The following FOXN3 variants were observed in gnomAD, a reference collection of about 807,000 sequenced individuals.
The protein encoded by FOXN3 is forkhead box protein N3.
Under a neutral mutation model 38.4 loss-of-function variants are expected in FOXN3, and 7 were observed. The ratio of observed to expected loss-of-function variants is 0.18; its 90% CI spans 0.10 to 0.34. The LOEUF is 0.34. FOXN3 is among the 10% of genes least tolerant of loss of function. FOXN3 has a pLI of 1.00. For synonymous variants in FOXN3, 230 were observed against 242.2 expected (o/e 0.95, Z 0.47); for missense variants, 456 against 613.4 (o/e 0.74, Z 2.71).
chr14:89,328,844 G>A (rs1286775618), intron 3 of FOXN3, among the ~76,000 whole-genome samples: 2 of 152,168 alleles, frequency 1.3e-5, no homozygotes, highest in Non-Finnish European at 2.9e-5. Flanking sequence ...ACAAGATAAA[G>A]AGCAGGTACC....
At chr14:89,333,764 A>AAC (rs1888337693) in intron 3 of FOXN3, among the ~76,000 whole-genome samples, 1 of 149,778 alleles carries the variant, frequency 6.7e-6, no homozygotes, top group Non-Finnish European at 1.5e-5. Context: ...AAAAAAAAAA[A>AAC]AAAAAAAAAA....
At chr14:89,433,295 A>G (rs913163483) in intron 1 of FOXN3, among the ~76,000 whole-genome samples, 4 of 152,216 alleles carry the variant, frequency 2.6e-5, no homozygotes, top group Admixed American at 2.0e-4. Context: ...CAACCTGGCC[A>G]ATCTGGTGAA....
At chr14:89,455,612 A>G (rs1892706230) in intron 1 of FOXN3, among the ~76,000 whole-genome samples, 1 of 152,174 alleles carries the variant, frequency 6.6e-6, no homozygotes, top group African/African-American at 2.4e-5. Flanking sequence ...GCCACGTAGC[A>G]GGCAGTCTCT....
intron 4 of FOXN3, among the ~76,000 whole-genome samples, chr14:89,226,115 G>GGGGGA (rs1884630145): frequency 8.2e-6 from 1 of 121,592 alleles, no homozygotes; most frequent in Non-Finnish European, 1.6e-5. Flanking sequence ...GATGGGGGCG[G>GGGGGA]GGGGAGGGGA....
intron 2 of FOXN3, among the ~76,000 whole-genome samples, chr14:89,374,293 AG>A (rs1890408600): frequency 6.9e-6 from 1 of 145,380 alleles, no homozygotes; most frequent in South Asian, 2.2e-4. Context: ...AAAAAAAAGA[AG>A]GAAGGAAAGG....
At chr14:89,607,982 A>G (rs892067916) in intron 1 of FOXN3, among the ~76,000 whole-genome samples, 2 of 46,958 alleles carry the variant, frequency 4.3e-5, no homozygotes, top group African/African-American at 6.0e-5. Context: ...ACACCCAGCT[A>G]ATTTTTTTTT....
At chr14:89,436,911 C>A (rs1427354353) in intron 1 of FOXN3, among the ~76,000 whole-genome samples, 1 of 152,146 alleles carries the variant, frequency 6.6e-6, no homozygotes, top group Non-Finnish European at 1.5e-5. Flanking sequence ...TTTTGGGAGG[C>A]CGAAGCAGGT....
At chr14:89,278,196 A>G (rs545993786) in intron 4 of FOXN3, among the ~76,000 whole-genome samples, 107 of 152,316 alleles carry the variant, frequency 7.0e-4, no homozygotes, top group African/African-American at 2.2e-3. Flanking sequence ...ATGGTGGAAG[A>G]CAAAAGATAC....
chr14:89,602,638 A>G (rs1896177138), intron 1 of FOXN3, among the ~76,000 whole-genome samples: 2 of 151,882 alleles, frequency 1.3e-5, no homozygotes, highest in African/African-American at 4.8e-5. Flanking sequence ...CTGGGATTAT[A>G]GGCACCTGCC....
At chr14:89,534,469 T>C (rs1490805683) in intron 1 of FOXN3, among the ~76,000 whole-genome samples, 1 of 152,148 alleles carries the variant, frequency 6.6e-6, no homozygotes, top group Non-Finnish European at 1.5e-5. Flanking sequence ...GAATTTTACC[T>C]TTTAGCCCTT....
At chr14:89,425,111 C>T (rs1261833231) in intron 1 of FOXN3, among the ~76,000 whole-genome samples, 1 of 130,942 alleles carries the variant, frequency 7.6e-6, no homozygotes, top group East Asian at 2.4e-4. Context: ...GCAGCCCAGG[C>T]TGGAATGCAG....
At chr14:89,186,472 C>T (rs1054030770) in intron 4 of FOXN3, among the ~76,000 whole-genome samples, 3 of 152,102 alleles carry the variant, frequency 2.0e-5, no homozygotes, top group South Asian at 2.1e-4. Flanking sequence ...GCTTGTCAAA[C>T]GGGAACTGCA....
chr14:89,431,086 A>G (rs927665311), intron 1 of FOXN3, among the ~76,000 whole-genome samples: 3 of 152,250 alleles, frequency 2.0e-5, no homozygotes, highest in Non-Finnish European at 2.9e-5. Context: ...ATGCAAAGCA[A>G]TCTTTCTTTT....
chr14:89,410,270 T>C (rs1891508735), intron 2 of FOXN3, among the ~76,000 whole-genome samples: 1 of 152,100 alleles, frequency 6.6e-6, no homozygotes, highest in African/African-American at 2.4e-5. Flanking sequence ...TGGTGACATG[T>C]TGCCAGAGAG....
intron 1 of FOXN3, among the ~76,000 whole-genome samples, chr14:89,429,232 G>C (rs1008813848): frequency 6.6e-6 from 1 of 152,116 alleles, no homozygotes; most frequent in Non-Finnish European, 1.5e-5. Flanking sequence ...ATCTGGCCTC[G>C]CAGATTTATT....
At chr14:89,341,201 C>G (rs1206155110) in intron 3 of FOXN3, among the ~76,000 whole-genome samples, 2 of 152,222 alleles carry the variant, frequency 1.3e-5, no homozygotes, top group Non-Finnish European at 2.9e-5. Context: ...TCCCCTTCAT[C>G]TGTCCACCCA....
At chr14:89,613,766 T>C (rs774907797) in intron 1 of FOXN3, among the ~76,000 whole-genome samples, 1 of 152,184 alleles carries the variant, frequency 6.6e-6, no homozygotes, top group Non-Finnish European at 1.5e-5. Flanking sequence ...GAGGGGTCTG[T>C]CCTTTCTACT....
At position 89,192,004 on chromosome 14, in the gene FOXN3, A is replaced by G. The variant is rs1051215018; in HGVS notation, c.746-11198T>C. On this transcript the variant is annotated intron_variant, in intron 4 of 5. Coordinates refer to ENST00000557258, the MANE Select transcript of FOXN3 (RefSeq NM_005197.4). ...TAATATATAATATATATTAGCTAATATAATTAATCATTAATCATCAACTAA... is the reference window on the plus strand; with the variant it reads ...TAATATATAATATATATTAGCTAATGTAATTAATCATTAATCATCAACTAA... Among the ~76,000 whole-genome samples, 68 of 143,800 alleles carry G rather than the reference A, an allele frequency of 4.7e-4. 1 individual carries two copies. The highest frequency in any genetic ancestry group is 1.7e-3 in the African/African-American group (63 of 37,262). 94.3% of individuals were successfully genotyped at this position (143,800 alleles called of 152,430 possible). A position where few individuals can be genotyped will look rare whatever the true frequency, so the allele number is the denominator to read the frequency against.
chr14:89,586,149 C>T (rs1045143503), intron 1 of FOXN3, among the ~76,000 whole-genome samples: 9 of 151,972 alleles, frequency 5.9e-5, no homozygotes, highest in Non-Finnish European at 2.9e-5. Flanking sequence ...TTACCCAGCA[C>T]CAATGCCTGG....
Sources: allele counts gnomAD v4.1 joint callset (sites outside exome capture counted in the v4.1 genomes callset), GRCh38; gene constraint gnomAD v4.1.1; transcripts MANE v1.5; gene names NCBI Gene and HGNC (gene_info 2026-07-23, HGNC 2026-07-21).